LRRFIP2: variants seen among roughly 807,000 people sequenced by gnomAD.
The protein encoded by LRRFIP2 is leucine-rich repeat flightless-interacting protein 2.
A neutral mutation model predicts 125.9 loss-of-function variants in LRRFIP2; 109 were observed. The ratio of observed to expected loss-of-function variants is 0.87; its 90% CI spans 0.74 to 1.01. The LOEUF (loss-of-function observed/expected upper bound fraction) is 1.01. LRRFIP2 is among the 50% of genes least tolerant of loss of function. The pLI is 0.00. For synonymous variants in LRRFIP2, 291 were observed against 293.1 expected (o/e 0.99, Z 0.07); for missense variants, 850 against 862.3 (o/e 0.99, Z 0.18).
Position 37,109,648 on chromosome 3 carries a change from C to CT in LRRFIP2, c.564+4dup, listed in dbSNP as rs748517924. The CT allele has an allele frequency of 6.2e-7, 1 of 1,614,048 alleles. No individual in the cohort carries two copies. Among genetic ancestry groups the CT allele is most frequent in the Non-Finnish European group, 8.5e-7 (1 of 1,179,934 alleles). ...AAGGCAGAACATTCCTCAGAAAGTA[C>CT]TAACCCTGTCACTCTTATATGTTGC... is the stretch of plus-strand genomic sequence containing the variant. On this transcript the variant is annotated splice_donor_region_variant and intron_variant, in intron 10 of 27. Transcript: ENST00000336686.
chr3:37,148,329 G>A (rs1228116910), intron 2 of LRRFIP2, among the ~76,000 whole-genome samples: 1 of 152,114 alleles, frequency 6.6e-6, no homozygotes, highest in Admixed American at 6.6e-5. Context: ...TGAGATGAGG[G>A]AGGAAGAAAA....
At chr3:37,062,562 G>A (rs1413348067) in intron 24 of LRRFIP2, among the ~76,000 whole-genome samples, 1 of 152,092 alleles carries the variant, frequency 6.6e-6, no homozygotes, top group Non-Finnish European at 1.5e-5. Context: ...AAAGAGAATA[G>A]GATACAAGCT....
chr3:37,135,178 A>T (rs79228995), intron 2 of LRRFIP2: 1 of 988,130 alleles, frequency 1.0e-6, no homozygotes, highest in Non-Finnish European at 1.5e-6. Flanking sequence ...AAAAAAAAAA[A>T]GGCTGGGCAC....
intron 8 of LRRFIP2, among the ~76,000 whole-genome samples, chr3:37,112,244 G>A (rs1370163985): frequency 1.3e-5 from 2 of 151,424 alleles, no homozygotes; most frequent in East Asian, 3.9e-4. Context: ...GCTGAGGCAG[G>A]AGAATCGCTT....
chr3:37,148,125 A>G (rs1242528105), intron 2 of LRRFIP2, among the ~76,000 whole-genome samples: 1 of 152,234 alleles, frequency 6.6e-6, no homozygotes, highest in Non-Finnish European at 1.5e-5. Flanking sequence ...TAGTCATCAT[A>G]TCTTCAACAT....
chr3:37,094,320 T>G (rs1438112880), intron 17 of LRRFIP2, among the ~76,000 whole-genome samples: 1 of 152,236 alleles, frequency 6.6e-6, no homozygotes, highest in Non-Finnish European at 1.5e-5. Context: ...TCAAATAAGC[T>G]TTTCATTATC....
In LRRFIP2 at chr3:37,102,989, G is replaced by A. The variant is rs143314448; in HGVS notation, c.808C>T (p.Arg270Cys). The change falls in exon 15 of 28, where the codon CGC becomes TGC. Residue 270 changes from arginine (R) to cysteine (C), a missense_variant. Physicochemically the swap from Arg to Cys is radical, Grantham distance 180 (BLOSUM62 -3). Coordinates refer to ENST00000336686, the MANE Select transcript of LRRFIP2 (RefSeq NM_006309.4). ...ACAACACTTCCCCTACGATTGGAGC[G>A]ACTGAAATAATCAGCGGCAGATACC... ...SVVSAADYFSRSNRRGSVVSE... is the reference protein window; with the variant it reads ...SVVSAADYFSCSNRRGSVVSE... The A allele has an allele frequency of 1.2e-4, 188 of 1,565,060 alleles. No homozygotes were observed. In the African/African-American group the frequency reaches 2.0e-3, roughly 17 times the overall value.
At position 37,075,117 on chromosome 3, in the gene LRRFIP2, CTGT is replaced by C. The variant is rs2091840987; in HGVS notation, c.1279-4_1279-2del. 6.2e-7 allele frequency: 1 copy of C among 1,603,470 alleles called. No individual in the cohort carries two copies. Among genetic ancestry groups the C allele is most frequent in the East Asian group, 2.2e-5 (1 of 44,816 alleles). ...ACATATGTTTCTGCCTTTCTAACTC[CTGT>C]TATTAAACAAATAATATCATTTACA... On this transcript the variant is annotated splice_acceptor_variant and splice_polypyrimidine_tract_variant and intron_variant, in intron 19 of 27. Transcript: ENST00000336686. LOFTEE classifies it high-confidence loss of function.
chr3:37,057,759 C>G (rs920533943), intron 25 of LRRFIP2, among the ~76,000 whole-genome samples: 2 of 152,084 alleles, frequency 1.3e-5, no homozygotes, highest in Admixed American at 1.3e-4. Context: ...TCAGAAAAGT[C>G]ACTATTCTTA....
chr3:37,066,542 G>C (rs1374255015), intron 21 of LRRFIP2: 1 of 500,006 alleles, frequency 2.0e-6, no homozygotes, highest in African/African-American at 1.9e-5. Flanking sequence ...TGGTTCTCAT[G>C]CATCAATTTG....
chr3:37,062,780 C>T (rs1336619996), intron 24 of LRRFIP2, among the ~76,000 whole-genome samples: 1 of 152,098 alleles, frequency 6.6e-6, no homozygotes, highest in Non-Finnish European at 1.5e-5. Context: ...CATCTTCAGG[C>T]CTGCAAGGTC....
At chr3:37,124,445 A>G (rs541367273) in intron 4 of LRRFIP2, among the ~76,000 whole-genome samples, 1 of 152,284 alleles carries the variant, frequency 6.6e-6, no homozygotes, top group South Asian at 2.1e-4. Context: ...GGTCATTTTT[A>G]ATTACTTCTA....
chr3:37,141,212 C>T (rs2095689257), intron 2 of LRRFIP2, among the ~76,000 whole-genome samples: 1 of 152,202 alleles, frequency 6.6e-6, no homozygotes, highest in Non-Finnish European at 1.5e-5. Context: ...CTACCACTCA[C>T]TCTCCACTGG....
intron 9 of LRRFIP2, 32 bp from the exon 10 acceptor site, chr3:37,109,735 A>G: frequency 5.6e-6 from 9 of 1,597,518 alleles, no homozygotes; most frequent in Non-Finnish European, 7.7e-6. Flanking sequence ...AATAAGCAAA[A>G]ACAAAAACAA....
At chr3:37,152,663 A>G (rs2096066611) in intron 1 of LRRFIP2, among the ~76,000 whole-genome samples, 1 of 152,086 alleles carries the variant, frequency 6.6e-6, no homozygotes. Context: ...GACTGGTCTC[A>G]AACTCCTGAC....
intron 25 of LRRFIP2, among the ~76,000 whole-genome samples, chr3:37,058,497 A>C (rs2087562211): frequency 6.6e-6 from 1 of 151,992 alleles, no homozygotes; most frequent in African/African-American, 2.4e-5. Flanking sequence ...ACTATGGTGA[A>C]ACTCTGTCTC....
At chr3:37,139,824 T>C (rs950923086) in intron 2 of LRRFIP2, among the ~76,000 whole-genome samples, 1 of 152,198 alleles carries the variant, frequency 6.6e-6, no homozygotes, top group Non-Finnish European at 1.5e-5. Flanking sequence ...AATCTCACCC[T>C]GGTCCAATTC....
At chr3:37,091,661 G>A (rs1013747331) in intron 17 of LRRFIP2, 123 bp from the exon 18 acceptor site, 13 of 690,656 alleles carry the variant, frequency 1.9e-5, no homozygotes, top group Non-Finnish European at 3.1e-5. Flanking sequence ...AGAAATCAAA[G>A]TACAAAAACA....
rs542586690 is a variant in LRRFIP2, at chr3:37,085,114, T to C, written c.1108-1308A>G. Among the ~76,000 whole-genome samples the C allele has an allele frequency of 5.3e-5, 8 of 152,300 alleles. No individual in the cohort carries two copies. In the East Asian group the frequency reaches 7.7e-4, roughly 15 times the overall value. ...ACAAAAATTAACTCAGCATAAGCCA[T>C]AGATGTAAATGTAAGAGCTAAAACA... On this transcript the variant is annotated intron_variant, in intron 18 of 27. Transcript: ENST00000336686.
Sources: allele counts gnomAD v4.1 joint callset (sites outside exome capture counted in the v4.1 genomes callset), GRCh38; gene constraint gnomAD v4.1.1; transcripts MANE v1.5; gene names NCBI Gene and HGNC (gene_info 2026-07-23, HGNC 2026-07-21).